The following RGS6 variants were observed in gnomAD, a reference collection of about 807,000 sequenced individuals.
RGS6 encodes the protein regulator of G-protein signaling 6.
In RGS6, 30 loss-of-function variants were observed where a neutral mutation model predicts 78.5. The ratio of observed to expected loss-of-function variants is 0.38; its 90% CI spans 0.29 to 0.52. The LOEUF (loss-of-function observed/expected upper bound fraction) is 0.52. Ranked by LOEUF, RGS6 falls within the 20% of genes least tolerant of loss-of-function variation. RGS6 has a pLI of 0.85. For synonymous variants in RGS6, 206 were observed against 206.0 expected (o/e 1.00, Z 0.00); for missense variants, 495 against 609.7 (o/e 0.81, Z 1.98).
At chr14:72,393,216 T>A (rs1206822813) in intron 3 of RGS6, among the ~76,000 whole-genome samples, 1 of 152,118 alleles carries the variant, frequency 6.6e-6, no homozygotes, top group African/African-American at 2.4e-5. Context: ...TTTCTCAGAG[T>A]GTTGGGGAAC....
At chr14:71,919,954 A>G in the RGS6 span, among the ~76,000 whole-genome samples, 1 of 152,210 alleles carries the variant, frequency 6.6e-6, no homozygotes, top group Non-Finnish European at 1.5e-5. Context: ...AGATCACGCC[A>G]CTGCATTCCA....
intron 3 of RGS6, among the ~76,000 whole-genome samples, chr14:72,441,706 G>T (rs1247741029): frequency 6.6e-6 from 1 of 152,254 alleles, no homozygotes; most frequent in East Asian, 1.9e-4. Flanking sequence ...GGTGGCATCA[G>T]ACCAGAGGCC....
At chr14:72,369,388 G>A (rs2083022504) in intron 3 of RGS6, among the ~76,000 whole-genome samples, 3 of 152,198 alleles carry the variant, frequency 2.0e-5, no homozygotes, top group Non-Finnish European at 4.4e-5. Flanking sequence ...TTGTGGCCTG[G>A]TGAAACCAAC....
At position 72,566,260 on chromosome 14, in the gene RGS6, T is replaced by C. The variant is rs2097709924; in HGVS notation, c.*3793T>C. On this transcript the variant is annotated 3_prime_UTR_variant, in exon 18 of 18. Coordinates refer to ENST00000553525, the MANE Select transcript of RGS6 (RefSeq NM_001204424.2). ...GGTCTATACGGGGACAGGGTCCAAATGACCAGGACTTGGCCCTCTCCCCAG... is the reference window on the plus strand; with the variant it reads ...GGTCTATACGGGGACAGGGTCCAAACGACCAGGACTTGGCCCTCTCCCCAG... 6.6e-6 allele frequency: 1 copy of C among 152,130 alleles called. No individual in the cohort carries two copies. Among genetic ancestry groups the C allele is most frequent in the Non-Finnish European group, 1.5e-5 (1 of 68,018 alleles). The allele number at this position is 152,130 out of a possible 1,614,324, so 9.4% of individuals were successfully genotyped here. A position where few individuals can be genotyped will look rare whatever the true frequency, so the allele number is the denominator to read the frequency against.
chr14:72,362,684 G>A (rs1047079654), intron 3 of RGS6, among the ~76,000 whole-genome samples: 1 of 152,204 alleles, frequency 6.6e-6, no homozygotes, highest in Non-Finnish European at 1.5e-5. Flanking sequence ...ACCTCTTAGG[G>A]CCTAGGCTCC....
chr14:71,968,497 G>A (rs898709510), intron 2 of RGS6, among the ~76,000 whole-genome samples: 1 of 152,210 alleles, frequency 6.6e-6, no homozygotes, highest in East Asian at 1.9e-4. Flanking sequence ...CTTGTCATAG[G>A]GATTTTAGTA....
At chr14:72,584,899 A>G in the RGS6 span, among the ~76,000 whole-genome samples, 3 of 152,166 alleles carry the variant, frequency 2.0e-5, no homozygotes, top group Non-Finnish European at 4.4e-5. Flanking sequence ...GAGAGGCTAG[A>G]GCTGAGCTGT....
chr14:72,548,348 CGTGTGT>C (rs59943776), intron 17 of RGS6, among the ~76,000 whole-genome samples: 162 of 129,556 alleles, frequency 1.3e-3, no homozygotes, highest in African/African-American at 3.4e-3. Context: ...TGTGTGCGCG[CGTGTGT>C]GTGTGTGTGT....
At chr14:72,063,765 C>T (rs143013243) in intron 2 of RGS6, among the ~76,000 whole-genome samples, 218 of 152,022 alleles carry the variant, frequency 1.4e-3, no homozygotes, top group African/African-American at 4.4e-3. Flanking sequence ...TAGATTTGTA[C>T]GGAGACATAT....
chr14:72,277,415 G>A (rs764993151), intron 2 of RGS6, among the ~76,000 whole-genome samples: 2 of 151,730 alleles, frequency 1.3e-5, no homozygotes, highest in Non-Finnish European at 2.9e-5. Context: ...GGCCAACATG[G>A]TGAAACTCCC....
At position 72,563,958 on chromosome 14, in the gene RGS6, C is replaced by T. The variant is rs577427892; in HGVS notation, c.*1491C>T. ...AAAAACATAGAAGCAATAAAGCGAT[C>T]GCTGGTATTTCTTTTCTCATGCAGC... On this transcript the variant is annotated 3_prime_UTR_variant, in exon 18 of 18. Coordinates refer to ENST00000553525, the MANE Select transcript of RGS6 (RefSeq NM_001204424.2). 12 of 152,282 alleles carry T rather than the reference C, an allele frequency of 7.9e-5. No homozygotes were observed. The highest frequency in any genetic ancestry group is 2.6e-4 in the African/African-American group (11 of 41,542). The allele number at this position is 152,282 out of a possible 1,614,324, so 9.4% of individuals were successfully genotyped here.
intron 3 of RGS6, among the ~76,000 whole-genome samples, chr14:72,429,920 C>T (rs1485733211): frequency 6.6e-6 from 1 of 152,124 alleles, no homozygotes; most frequent in Non-Finnish European, 1.5e-5. Flanking sequence ...AGGGCTCTTC[C>T]CCACTTTGCT....
intron 2 of RGS6, among the ~76,000 whole-genome samples, chr14:72,190,823 G>T (rs2097314438): frequency 6.6e-6 from 1 of 152,168 alleles, no homozygotes; most frequent in African/African-American, 2.4e-5. Context: ...ATTCCTGATT[G>T]TACCTCTTTT....
chr14:72,373,619 GATTATT>G (rs1415603289), intron 3 of RGS6, among the ~76,000 whole-genome samples: 1 of 152,166 alleles, frequency 6.6e-6, no homozygotes, highest in Non-Finnish European at 1.5e-5. Context: ...AGAGCAATAC[GATTATT>G]AGATGAGTAG....
chr14:72,218,960 C>G (rs2046241610), intron 2 of RGS6, among the ~76,000 whole-genome samples: 1 of 151,970 alleles, frequency 6.6e-6, no homozygotes, highest in Middle Eastern at 3.4e-3. Context: ...TCATGGCCAG[C>G]AATATGTCCC....
chr14:72,475,747 A>G (rs1281592339), intron 10 of RGS6, among the ~76,000 whole-genome samples: 1 of 151,754 alleles, frequency 6.6e-6, no homozygotes, highest in African/African-American at 2.4e-5. Context: ...AATTCCAAAG[A>G]GTGGAGATGT....
chr14:72,385,304 A>G (rs1362598305), intron 3 of RGS6, among the ~76,000 whole-genome samples: 1 of 152,170 alleles, frequency 6.6e-6, no homozygotes, highest in Admixed American at 6.5e-5. Context: ...AAAATATGTT[A>G]AAAGGGGGCG....
chr14:72,068,736 A>G (rs938197757), intron 2 of RGS6, among the ~76,000 whole-genome samples: 3 of 150,258 alleles, frequency 2.0e-5, no homozygotes, highest in African/African-American at 7.4e-5. Context: ...ACCTGTTGAT[A>G]TATGTGCCTT....
intron 2 of RGS6, among the ~76,000 whole-genome samples, chr14:72,239,118 C>A (rs752796776): frequency 7.9e-5 from 12 of 152,014 alleles, no homozygotes; most frequent in Non-Finnish European, 1.6e-4. Context: ...TGGAAGAGAC[C>A]CAAGTGAGCA....
Sources: gnomAD v4.1 joint callset for allele counts (sites outside exome capture counted in the v4.1 genomes callset) on GRCh38, gnomAD v4.1.1 for gene constraint, MANE v1.5 for transcripts, NCBI Gene and HGNC (gene_info 2026-07-23, HGNC 2026-07-21) for gene names.